Variants in SNX27 observed in about 807,000 individuals in gnomAD.
The protein encoded by SNX27 is sorting nexin 27.
Under a neutral mutation model 71.6 loss-of-function variants are expected in SNX27, and 22 were observed. That is an observed-to-expected ratio of 0.31 (90% CI 0.22 to 0.44). The LOEUF is 0.44. Ranked by LOEUF, SNX27 falls within the 20% of genes least tolerant of loss-of-function variation. The probability of loss-of-function intolerance (pLI) is 1.00; values close to 1 mark genes in which losing one functional copy is unlikely to be tolerated. For missense variants in SNX27, 531 were observed against 698.6 expected, an observed-to-expected ratio of 0.76 and a Z score of 2.70; for synonymous variants, 269 against 277.2, an observed-to-expected ratio of 0.97 and a Z score of 0.29.
At chr1:151,660,938 A>G in intron 4 of SNX27, 76 bp downstream of exon 4, 1 of 1,106,112 alleles carries the variant, frequency 9.0e-7, no homozygotes, top group Non-Finnish European at 1.4e-6. Flanking sequence ...GGTATTGATT[A>G]TGCATTAAAT....
intron 2 of SNX27, among the ~76,000 whole-genome samples, chr1:151,642,247 C>T (rs1052758584): frequency 4.6e-5 from 7 of 151,394 alleles, no homozygotes; most frequent in African/African-American, 7.3e-5. Flanking sequence ...ATTAGCCGGG[C>T]GTGGTGGCAG....
intron 1 of SNX27, among the ~76,000 whole-genome samples, chr1:151,618,118 G>A (rs1667511592): frequency 6.7e-6 from 1 of 149,368 alleles, no homozygotes; most frequent in Non-Finnish European, 1.5e-5. Context: ...TGCCCACTTT[G>A]GCCTCCTAAA....
intron 1 of SNX27, chr1:151,614,154 GT>G (rs1410847434): frequency 2.0e-5 from 3 of 149,068 alleles, no homozygotes; most frequent in Admixed American, 1.3e-4. Context: ...GAAATGGTTG[GT>G]TTTAACCTGG....
intron 1 of SNX27, among the ~76,000 whole-genome samples, chr1:151,635,586 C>G (rs925329281): frequency 6.6e-6 from 1 of 152,092 alleles, no homozygotes; most frequent in Admixed American, 6.5e-5. Flanking sequence ...CTGTGAAGAC[C>G]TCTTAATTCT....
At chr1:151,673,967 G>C in intron 7 of SNX27, among the ~76,000 whole-genome samples, 1 of 151,962 alleles carries the variant, frequency 6.6e-6, no homozygotes, top group East Asian at 1.9e-4. Context: ...ACAGATCAGT[G>C]GTTCTTGTTT....
At chr1:151,677,976 G>A (rs1051580828) in intron 7 of SNX27, 1 of 152,040 alleles carries the variant, frequency 6.6e-6, no homozygotes, top group Non-Finnish European at 1.5e-5. Flanking sequence ...CATTTTTAGT[G>A]TATAGTTCAA....
intron 2 of SNX27, among the ~76,000 whole-genome samples, chr1:151,647,905 A>T (rs984397825): frequency 2.0e-5 from 3 of 152,132 alleles, no homozygotes; most frequent in African/African-American, 7.2e-5. Context: ...TATAAAGAAA[A>T]GCAAGGTATA....
At chr1:151,666,775 C>T (rs902434336) in intron 6 of SNX27, 1 of 152,126 alleles carries the variant, frequency 6.6e-6, no homozygotes, top group Admixed American at 6.5e-5. Context: ...ACTTTGATTC[C>T]CCTAAAGCAG....
Position 151,695,776 on chromosome 1 carries a change from C to T in SNX27, c.*1359C>T, listed in dbSNP as rs1458809470. On this transcript the variant is annotated 3_prime_UTR_variant, in exon 12 of 12. Coordinates refer to ENST00000458013, the MANE Select transcript of SNX27 (RefSeq NM_001330723.2). The stretch of plus-strand genomic sequence containing the variant: ...CTCAGGACCAGAGTTAAGCTGATAC[C>T]TTAGGCACACAGGTTGGACTTACAT... The T allele has an allele frequency of 2.0e-5, 3 of 152,138 alleles. No individual in the cohort carries two copies. The highest frequency in any genetic ancestry group is 4.4e-5 in the Non-Finnish European group (3 of 68,050). The allele number at this position is 152,138 out of a possible 1,614,324, so 9.4% of individuals were successfully genotyped here.
At chr1:151,669,944 A>G (rs1670384374) in intron 7 of SNX27, among the ~76,000 whole-genome samples, 1 of 152,138 alleles carries the variant, frequency 6.6e-6, no homozygotes, top group South Asian at 2.1e-4. Flanking sequence ...ATTATTATTG[A>G]CTATAGTCAC....
chr1:151,662,630 C>G, intron 5 of SNX27: 1 of 158,838 alleles, frequency 6.3e-6, no homozygotes, highest in Non-Finnish European at 1.4e-5. Context: ...CTACAGGTGC[C>G]CGCCACCACA....
chr1:151,663,828 C>T (rs1670068978), intron 5 of SNX27, among the ~76,000 whole-genome samples: 1 of 152,072 alleles, frequency 6.6e-6, no homozygotes, highest in South Asian at 2.1e-4. Context: ...TTGTAAAATT[C>T]ACCACTGATC....
intron 6 of SNX27, 106 bp downstream of exon 6, chr1:151,666,117 C>T (rs1670178515): frequency 5.2e-6 from 4 of 767,936 alleles, no homozygotes; most frequent in Middle Eastern, 5.9e-4. Flanking sequence ...CTCATTAGAA[C>T]TGTCTCTAAC....
intron 8 of SNX27, among the ~76,000 whole-genome samples, chr1:151,690,853 C>G (rs1273042902): frequency 6.6e-6 from 1 of 152,152 alleles, no homozygotes; most frequent in Non-Finnish European, 1.5e-5. Flanking sequence ...AGTAATTTGC[C>G]TGCCTTAAAG....
intron 1 of SNX27, among the ~76,000 whole-genome samples, chr1:151,634,233 A>G (rs1367352624): frequency 3.3e-5 from 5 of 152,224 alleles, no homozygotes; most frequent in Non-Finnish European, 7.3e-5. Flanking sequence ...ACTTGCAGTT[A>G]TAGGAATTTA....
chr1:151,653,715 C>T (rs577000622), intron 2 of SNX27, among the ~76,000 whole-genome samples: 1 of 152,046 alleles, frequency 6.6e-6, no homozygotes, highest in South Asian at 2.1e-4. Flanking sequence ...GAGACAGAGT[C>T]CCACTATTTT....
rs1220808587 is a variant in SNX27, at chr1:151,655,827, T to G, written c.544-2408T>G. ...GGATGATTTGATTAAAAGTTGATTT[T>G]AAATATTCTTGGCTTTAAAAGAAAT... On this transcript the variant is annotated intron_variant, in intron 2 of 11. Transcript: ENST00000458013. Among the ~76,000 whole-genome samples the G allele has an allele frequency of 2.0e-5, 3 of 152,214 alleles. No homozygotes were observed. The East Asian group carries it at 5.8e-4, about 29-fold the overall frequency.
chr1:151,662,053 A>G, intron 4 of SNX27, 113 bp from the exon 5 acceptor site: 1 of 628,384 alleles, frequency 1.6e-6, no homozygotes, highest in South Asian at 2.1e-5. Context: ...TCCCGTTTTC[A>G]TTGGAACTCA....
chr1:151,612,335 G>T lies in SNX27; in HGVS notation c.134G>T (p.Arg45Leu). 1 of 1,538,094 alleles carries T rather than the reference G, an allele frequency of 6.5e-7. No individual in the cohort carries two copies. Among genetic ancestry groups the T allele is most frequent in the African/African-American group, 1.4e-5 (1 of 70,418 alleles). ...GGGGGGPRVV[R>L]IVKSESGYGF... The stretch of plus-strand genomic sequence containing the variant: ...GGAGGCGGCGGCCCGCGGGTCGTGC[G>T]CATCGTCAAGTCCGAGTCCGGCTAC... The change falls in exon 1 of 12, where the codon CGC becomes CTC. Residue 45 changes from arginine to leucine, a missense_variant. Arg to Leu is a moderately radical substitution (Grantham distance 102, BLOSUM62 -2). Around this residue, in one of 5 missense-constraint regions of SNX27, gnomAD observed 130 missense variants for 143.5 expected, o/e 0.91. Coordinates refer to ENST00000458013, the MANE Select transcript of SNX27 (RefSeq NM_001330723.2). The surrounding 1 kb of genome is among the most constrained non-coding windows in gnomAD (Gnocchi z 5.2).
Sources: allele counts gnomAD v4.1 joint callset (sites outside exome capture counted in the v4.1 genomes callset), GRCh38; gene constraint gnomAD v4.1.1; regional missense constraint gnomAD v4.1.1; non-coding constraint Gnocchi (gnomAD v3.1); transcripts MANE v1.5; gene names NCBI Gene and HGNC (gene_info 2026-07-23, HGNC 2026-07-21).